The following DOK2 variants were observed in gnomAD, a reference collection of about 807,000 sequenced individuals.
The protein encoded by DOK2 is docking protein 2, 56kD.
DOK2 carries 28 observed loss-of-function variants against 26.0 expected under a neutral mutation model. That is an observed-to-expected ratio of 1.08 (90% CI 0.80 to 1.48). The LOEUF (loss-of-function observed/expected upper bound fraction) is 1.48, where lower values mean the gene tolerates loss of function less well. Ranked by LOEUF, DOK2 falls within the 40% of genes most tolerant of loss-of-function variation. The pLI is 0.00. For synonymous variants in DOK2, 282 were observed against 236.9 expected (o/e 1.19, Z -1.75); for missense variants, 682 against 558.2 (o/e 1.22, Z -2.23).
rs1194774347 is a variant in DOK2, at chr8:21,909,347, C to T, written c.1203G>A (p.Glu401=). 4 of 1,564,930 alleles carry T rather than the reference C, an allele frequency of 2.6e-6. No homozygotes were observed. Among genetic ancestry groups the T allele is most frequent in the South Asian group, 2.4e-5 (2 of 82,542 alleles). ...CTTTCTTTAGTACAACATTGTCATA[C>T]TCAGTTCCTGGCTGCCAGCCAGAAG... ...FSASGWQPGT[E]YDNVVLKKGP... Residue 401 remains glutamate, a synonymous_variant, in exon 5 of 5, where the codon GAG becomes GAA. Transcript: ENST00000276420.
chr8:21,912,442 C>T lies in DOK2; in HGVS notation c.132G>A (p.Gln44=). ...SDCALARLEL[Q]EGPEKPRRCE... ...ACCGACGAGGCTTCTCCGGGCCCTCCTGCAGCTCCAGCCGGGCCAAGGCGC... is the reference window on the plus strand; with the variant it reads ...ACCGACGAGGCTTCTCCGGGCCCTCTTGCAGCTCCAGCCGGGCCAAGGCGC... Residue 44 remains glutamine, a synonymous_variant, in exon 2 of 5, where the codon CAG becomes CAA. Transcript: ENST00000276420. The T allele has an allele frequency of 6.4e-7, 1 of 1,571,128 alleles. No individual in the cohort carries two copies. Among genetic ancestry groups the T allele is most frequent in the African/African-American group, 1.4e-5 (1 of 73,950 alleles).
chr8:21,909,731 C>G lies in DOK2; in HGVS notation c.819G>C (p.Arg273=). 6.2e-7 allele frequency: 1 copy of G among 1,613,612 alleles called. No individual in the cohort carries two copies. The highest frequency in any genetic ancestry group is 8.5e-7 in the Non-Finnish European group (1 of 1,180,018). The change falls in exon 5 of 5, where the codon CGG becomes CGC. Residue 273 remains arginine, a synonymous_variant. Transcript: ENST00000276420. The stretch of plus-strand genomic sequence containing the variant: ...AAGGCGGCGGCAGTGAGTCATGCGG[C>G]CGAGAGTAGGGGCTATCAGGCCGGG... ...SLPRPDSPYS[R]PHDSLPPPSP... is the part of the protein sequence containing the mutation.
Position 21,912,325 on chromosome 8 carries a change from G to C in DOK2, c.249C>G (p.Ala83=). ...GEASSPRDTS[A]FFLETKERLY... ...GGCGCTCCTTGGTCTCCAGGAAGAA[G>C]GCACTGGTGTCCCGGGGGCTGCTGG... The change falls in exon 2 of 5, where the codon GCC becomes GCG. Residue 83 remains alanine (A), a synonymous_variant. Transcript: ENST00000276420. 1 of 1,607,266 alleles carries C rather than the reference G, an allele frequency of 6.2e-7. No individual in the cohort carries two copies. Among genetic ancestry groups the C allele is most frequent in the East Asian group, 2.2e-5 (1 of 44,564 alleles).
At chr8:21,913,451 G>A (rs756020426) in intron 1 of DOK2, 88 bp downstream of exon 1, 20 of 1,527,908 alleles carry the variant, frequency 1.3e-5, no homozygotes, top group Non-Finnish European at 1.8e-5. Flanking sequence ...ACCTATAAGG[G>A]TTTTGAATAT....
In DOK2 at chr8:21,913,550, T is replaced by C; in HGVS notation, c.52A>G (p.Thr18Ala). ...AGCCTCACTCCTACCTTTCCAAACG[T>C]CTGCTGCTGCTGAAGATACAAGAAG... Reference protein sequence around the residue: ...QGFLYLQQQQTFGKKWRRFGA... With the variant: ...QGFLYLQQQQAFGKKWRRFGA... Residue 18 changes from threonine (T) to alanine (A), a missense_variant, in exon 1 of 5, where the codon ACG becomes GCG. Physicochemically the swap from Thr to Ala is moderately conservative, Grantham distance 58. Coordinates refer to ENST00000276420, the MANE Select transcript of DOK2 (RefSeq NM_003974.4). The C allele has an allele frequency of 6.2e-7, 1 of 1,613,868 alleles. No homozygotes were observed. Among genetic ancestry groups the C allele is most frequent in the South Asian group, 1.1e-5 (1 of 91,076 alleles).
At chr8:21,912,180 C>T (rs1809875389) in intron 2 of DOK2, 49 bp downstream of exon 2, 11 of 1,500,894 alleles carry the variant, frequency 7.3e-6, no homozygotes, top group African/African-American at 1.4e-5. Context: ...GTATCTAACA[C>T]CCTCGGCCTG....
Position 21,909,942 on chromosome 8 carries a change from G to T in DOK2, c.619-11C>A, listed in dbSNP as rs763802401. 2.5e-6 allele frequency: 4 copies of T among 1,601,512 alleles called. No individual in the cohort carries two copies. Among genetic ancestry groups the T allele is most frequent in the Non-Finnish European group, 3.4e-6 (4 of 1,175,994 alleles). On this transcript the variant is annotated splice_polypyrimidine_tract_variant and intron_variant, in intron 4 of 4. Transcript: ENST00000276420. ...AAAGGAAAAGGTTACCTGGACCAGGGAGAAAGCAGGTTATTGGCCAGGCCA... is the reference window on the plus strand; with the variant it reads ...AAAGGAAAAGGTTACCTGGACCAGGTAGAAAGCAGGTTATTGGCCAGGCCA...
At position 21,909,057 on chromosome 8, in the gene DOK2, C is replaced by T. The variant is rs973175580; in HGVS notation, c.*254G>A. 4 of 397,736 alleles carry T rather than the reference C, an allele frequency of 1.0e-5. No individual in the cohort carries two copies. The highest frequency in any genetic ancestry group is 1.2e-4 in the South Asian group (2 of 16,540). 24.6% of individuals were successfully genotyped at this position (397,736 alleles called of 1,614,324 possible). ...TCCTCTGCCCTAAATGCCCCAGGTT[C>T]CTCCTCAGCTGGGGAAAGAAAGAGG... On this transcript the variant is annotated 3_prime_UTR_variant, in exon 5 of 5. Coordinates refer to ENST00000276420, the MANE Select transcript of DOK2 (RefSeq NM_003974.4).
At chr8:21,911,170 C>T (rs1809830249) in intron 3 of DOK2, 2 of 361,326 alleles carry the variant, frequency 5.5e-6, no homozygotes, top group Non-Finnish European at 5.1e-6. Flanking sequence ...CCATCTCTCA[C>T]CCCAAACCAG....
In DOK2 at chr8:21,909,748, C is replaced by A. The variant is rs1809757318; in HGVS notation, c.802G>T (p.Asp268Tyr). 3 of 1,613,810 alleles carry A rather than the reference C, an allele frequency of 1.9e-6. No individual in the cohort carries two copies. The highest frequency in any genetic ancestry group is 3.3e-4 in the Middle Eastern group (2 of 6,060). Residue 268 changes from aspartate (D) to tyrosine (Y), a missense_variant, in exon 5 of 5, where the codon GAT becomes TAT. Asp to Tyr is a radical substitution (Grantham distance 160). Coordinates refer to ENST00000276420, the MANE Select transcript of DOK2 (RefSeq NM_003974.4). Reference protein sequence around the residue: ...ATIPASLPRPDSPYSRPHDSL... With the variant: ...ATIPASLPRPYSPYSRPHDSL... ...TCATGCGGCCGAGAGTAGGGGCTAT[C>A]AGGCCGGGGCAGCGACGCGGGGATT...
intron 3 of DOK2, chr8:21,911,127 T>C (rs1809828747): frequency 6.4e-6 from 3 of 466,052 alleles, no homozygotes; most frequent in Admixed American, 3.9e-5. Context: ...TTCCTGCCCC[T>C]GTCGCCAGAG....
chr8:21,910,570 A>C lies in DOK2; in HGVS notation c.618+103T>G, dbSNP rs1275670998. On this transcript the variant is annotated intron_variant, in intron 4 of 4. Coordinates refer to ENST00000276420, the MANE Select transcript of DOK2 (RefSeq NM_003974.4). ...GTCACTCTATTCTTTGCTTCACTCCATCTCCCTCTCCTGGTCTCTCCCATC... is the reference window on the plus strand; with the variant it reads ...GTCACTCTATTCTTTGCTTCACTCCCTCTCCCTCTCCTGGTCTCTCCCATC... The C allele has an allele frequency of 1.2e-5, 17 of 1,438,424 alleles. No homozygotes were observed. The Admixed American group carries it at 3.0e-4, about 25-fold the overall frequency. 89.1% of individuals were successfully genotyped at this position (1,438,424 alleles called of 1,614,324 possible).
At chr8:21,911,604 G>A (rs1447023995) in intron 3 of DOK2, among the ~76,000 whole-genome samples, 6 of 152,072 alleles carry the variant, frequency 3.9e-5, no homozygotes, top group South Asian at 4.1e-4. Context: ...GCAAAACTCC[G>A]TCTCAAAAAT....
Position 21,910,764 on chromosome 8 carries a change from T to A in DOK2, c.527A>T (p.Glu176Val). ...LRGSYTLRAG[E>V]SALELWGGPE... ...CCCACCCCACAGCTCCAGGGCACTCTCCCCAGCCCGGAGGGTATAGGACCC... is the reference window on the plus strand; with the variant it reads ...CCCACCCCACAGCTCCAGGGCACTCACCCCAGCCCGGAGGGTATAGGACCC... The change falls in exon 4 of 5, where the codon GAG becomes GTG. Residue 176 changes from glutamate (E) to valine (V), a missense_variant. Glu to Val is a moderately radical substitution (Grantham distance 121). Transcript: ENST00000276420. The A allele has an allele frequency of 6.2e-7, 1 of 1,613,880 alleles. No homozygotes were observed. The highest frequency in any genetic ancestry group is 8.5e-7 in the Non-Finnish European group (1 of 1,179,956).
rs1168869615 is a variant in DOK2 at position 21,913,577 on chromosome 8, C to T, written c.25G>A (p.Gly9Ser). Residue 9 changes from glycine (G) to serine (S), a missense_variant, in exon 1 of 5, where the codon GGC becomes AGC. Coordinates refer to ENST00000276420, the MANE Select transcript of DOK2 (RefSeq NM_003974.4). MGDGAVKQ[G>S]FLYLQQQQTF... is the part of the protein sequence containing the mutation. ...TGCTGCTGCTGAAGATACAAGAAGC[C>T]TTGTTTCACTGCCCCGTCTCCCATC... is the stretch of plus-strand genomic sequence containing the variant. The T allele has an allele frequency of 6.2e-7, 1 of 1,614,060 alleles. No homozygotes were observed. Among genetic ancestry groups the T allele is most frequent in the South Asian group, 1.1e-5 (1 of 91,080 alleles).
chr8:21,909,533 AG>A lies in DOK2; in HGVS notation c.1016del (p.Pro339LeufsTer69), dbSNP rs1192231037. The A allele has an allele frequency of 6.2e-7, 1 of 1,614,124 alleles. No individual in the cohort carries two copies. Among genetic ancestry groups the A allele is most frequent in the Non-Finnish European group, 8.5e-7 (1 of 1,180,014 alleles). The stretch of plus-strand genomic sequence containing the variant: ...GCTCATCGTATATGTGGTCAGGTCG[AG>A]GGGGCAGGGTCTCCTCAATGCTGTC... ...LYDSIEETLP[P>X]RPDHIYDEPE... On this transcript the variant is annotated frameshift_variant, in exon 5 of 5. Coordinates refer to ENST00000276420, the MANE Select transcript of DOK2 (RefSeq NM_003974.4). LOFTEE classifies it low-confidence loss of function (END_TRUNC).
At chr8:21,913,494 GC>G in intron 1 of DOK2, 44 bp downstream of exon 1, 1 of 1,609,578 alleles carries the variant, frequency 6.2e-7, no homozygotes, top group Non-Finnish European at 8.5e-7. Flanking sequence ...AATTCTAGCA[GC>G]CTCCCAGGCC....
chr8:21,913,387 A>G, intron 1 of DOK2, 152 bp downstream of exon 1: 1 of 872,222 alleles, frequency 1.1e-6, no homozygotes, highest in Admixed American at 2.7e-5. Flanking sequence ...TCGGGTAGGA[A>G]AAGAGCCCTC....
At chr8:21,912,861 C>A (rs4872083) in intron 1 of DOK2, among the ~76,000 whole-genome samples, 2 of 151,988 alleles carry the variant, frequency 1.3e-5, no homozygotes, top group African/African-American at 4.8e-5. Flanking sequence ...GGGCAGTGGC[C>A]GAGGCCCAGA....
Sources: gnomAD v4.1 joint callset for allele counts (sites outside exome capture counted in the v4.1 genomes callset) on GRCh38, gnomAD v4.1.1 for gene constraint, MANE v1.5 for transcripts, NCBI Gene and HGNC (gene_info 2026-07-23, HGNC 2026-07-21) for gene names.